PARG: variants seen among roughly 807,000 people sequenced by gnomAD.
PARG encodes poly(ADP-ribose) glycohydrolase, also known as mitochondrial poly(ADP-ribose) glycohydrolase.
PARG carries 35 observed loss-of-function variants against 113.0 expected under a neutral mutation model. The observed-to-expected ratio is 0.31, with a 90% CI of 0.24 to 0.41. PARG has a LOEUF of 0.41. Among genes scored for constraint, PARG ranks in the 10% least tolerant of loss-of-function variants. The pLI is 1.00. For synonymous variants in PARG, 330 were observed against 409.9 expected (o/e 0.81, Z 2.36); for missense variants, 797 against 1,169.4 (o/e 0.68, Z 4.64).
At chr10:49,927,708 G>A (rs1324307579) in intron 4 of PARG, among the ~76,000 whole-genome samples, 3 of 152,046 alleles carry the variant, frequency 2.0e-5, no homozygotes, top group South Asian at 2.1e-4. Flanking sequence ...AGTTGCTCAC[G>A]CCTGCAATCT....
At chr10:49,920,321 C>T (rs1273484338) in intron 6 of PARG, among the ~76,000 whole-genome samples, 2 of 150,628 alleles carry the variant, frequency 1.3e-5, no homozygotes, top group African/African-American at 4.9e-5. Context: ...TGGTGGCACA[C>T]ACCTGTAGTC....
At chr10:49,928,478 ATG>A (rs1313938221) in intron 4 of PARG, among the ~76,000 whole-genome samples, 2 of 152,112 alleles carry the variant, frequency 1.3e-5, no homozygotes, top group East Asian at 3.9e-4. Flanking sequence ...GCACGTATGC[ATG>A]TGTTTGTTGG....
At chr10:49,928,043 G>A (rs1453296967) in intron 4 of PARG, among the ~76,000 whole-genome samples, 6 of 152,024 alleles carry the variant, frequency 3.9e-5, no homozygotes, top group South Asian at 2.1e-4. Flanking sequence ...GGGCCCAGGC[G>A]GGTGATCACC....
chr10:49,866,293 T>C (rs1331399459), intron 10 of PARG, among the ~76,000 whole-genome samples: 1 of 151,778 alleles, frequency 6.6e-6, no homozygotes, highest in Non-Finnish European at 1.5e-5. Context: ...TCAGGAACTA[T>C]TAGTGATGAC....
At chr10:49,894,344 C>A (rs1455996616) in intron 7 of PARG, among the ~76,000 whole-genome samples, 1 of 151,984 alleles carries the variant, frequency 6.6e-6, no homozygotes, top group South Asian at 2.1e-4. Context: ...GCCTGGCATC[C>A]CTGTCTTTAG....
At chr10:49,878,670 C>G (rs1554838851) in intron 9 of PARG, among the ~76,000 whole-genome samples, 1 of 150,302 alleles carries the variant, frequency 6.7e-6, no homozygotes, top group Non-Finnish European at 1.5e-5. Flanking sequence ...ACTTTGGAGA[C>G]AAAAGCAGTA....
intron 7 of PARG, among the ~76,000 whole-genome samples, chr10:49,908,971 AG>A (rs1397790403): frequency 8.5e-5 from 13 of 152,300 alleles, no homozygotes; most frequent in Non-Finnish European, 1.8e-4. Flanking sequence ...TATAGGATAA[AG>A]GGGTGGGGAT....
intron 7 of PARG, among the ~76,000 whole-genome samples, chr10:49,887,195 A>T (rs1165021199): frequency 6.6e-6 from 1 of 152,126 alleles, no homozygotes; most frequent in Non-Finnish European, 1.5e-5. Flanking sequence ...AGGACTATAC[A>T]GGCCTTTTTG....
Position 49,935,125 on chromosome 10 carries a change from T to G in PARG, c.235A>C (p.Ile79Leu). The G allele has an allele frequency of 2.6e-6, 2 of 772,736 alleles. No homozygotes were observed. The highest frequency in any genetic ancestry group is 3.1e-5 in the South Asian group (2 of 65,390). The allele number at this position is 772,736 out of a possible 1,614,324, so 47.9% of individuals were successfully genotyped here. A position where few individuals can be genotyped will look rare whatever the true frequency, so the allele number is the denominator to read the frequency against. The change falls in exon 2 of 18, where the codon ATT (isoleucine) becomes CTT (leucine). Residue 79 changes from isoleucine (I) to leucine (L), a missense_variant. This residue lies in a region of PARG where 284 missense variants were observed against 306.1 expected (regional missense o/e 0.93). Coordinates refer to ENST00000616448, the MANE Select transcript of PARG (RefSeq NM_003631.5). ...ATSLVFKQKTITSWMDTKGIK... is the reference protein window; with the variant it reads ...ATSLVFKQKTLTSWMDTKGIK... ...CCTTTAGTGTCCATCCAACTGGTAA[T>G]AGTCTTTTGTTTGAAAACTATAAAA...
intron 7 of PARG, among the ~76,000 whole-genome samples, chr10:49,887,387 C>T (rs1272658809): frequency 3.9e-5 from 6 of 152,046 alleles, no homozygotes; most frequent in African/African-American, 7.3e-5. Flanking sequence ...TTTCTGTAAT[C>T]GCCACCAAAA....
intron 1 of PARG, among the ~76,000 whole-genome samples, chr10:49,940,210 TA>T (rs1480151641): frequency 1.3e-5 from 2 of 150,308 alleles, no homozygotes; most frequent in Non-Finnish European, 3.0e-5. Flanking sequence ...AGGCCTAAGC[TA>T]CAATTATTTC....
intron 1 of PARG, 61 bp downstream of exon 1, chr10:49,941,448 A>C (rs1589020738): frequency 2.3e-6 from 3 of 1,283,818 alleles, no homozygotes; most frequent in South Asian, 1.3e-5. Flanking sequence ...CTGGGTCCTC[A>C]GACTGAGACC....
intron 15 of PARG, among the ~76,000 whole-genome samples, chr10:49,840,265 G>T (rs1270734168): frequency 6.6e-6 from 1 of 151,944 alleles, no homozygotes; most frequent in Non-Finnish European, 1.5e-5. Flanking sequence ...GTGCACACCT[G>T]TACTCCTAGC....
intron 16 of PARG, among the ~76,000 whole-genome samples, chr10:49,825,006 C>A (rs782769205): frequency 1.2e-4 from 18 of 152,076 alleles, no homozygotes; most frequent in Non-Finnish European, 1.3e-4. Flanking sequence ...TAAATGCATG[C>A]TGTCAAGGAG....
chr10:49,932,389 T>C, intron 3 of PARG, 106 bp from the exon 4 acceptor site: 1 of 723,788 alleles, frequency 1.4e-6, no homozygotes. Context: ...AAGTATGCCA[T>C]ACTTGGTCAC....
At position 49,915,494 on chromosome 10, in the gene PARG, C is replaced by G. The variant is rs570910397; in HGVS notation, c.1737+423G>C. ...GATTTTTAAACAAATGTTTTGTGCC[C>G]TTTGACTTAGTCATCTAATTTCTGG... On this transcript the variant is annotated intron_variant, in intron 7 of 17. Coordinates refer to ENST00000616448, the MANE Select transcript of PARG (RefSeq NM_003631.5). Among the ~76,000 whole-genome samples the G allele has an allele frequency of 3.3e-5, 5 of 152,100 alleles. No individual in the cohort carries two copies. In the East Asian group the frequency reaches 7.7e-4, roughly 23 times the overall value.
At chr10:49,911,507 G>A (rs1588977753) in intron 7 of PARG, among the ~76,000 whole-genome samples, 1 of 152,198 alleles carries the variant, frequency 6.6e-6, no homozygotes, top group Non-Finnish European at 1.5e-5. Flanking sequence ...AGCACTTCCA[G>A]CAGCTAGCAG....
At chr10:49,936,605 T>C (rs1838751938) in intron 1 of PARG, among the ~76,000 whole-genome samples, 1 of 152,216 alleles carries the variant, frequency 6.6e-6, no homozygotes, top group South Asian at 2.1e-4. Flanking sequence ...AGGGATTAAA[T>C]GTACATCATA....
At chr10:49,876,725 G>C (rs2132608688) in intron 9 of PARG, among the ~76,000 whole-genome samples, 1 of 151,748 alleles carries the variant, frequency 6.6e-6, no homozygotes, top group Admixed American at 6.6e-5. Flanking sequence ...CTACATAACA[G>C]TAAGAACTCA....
Sources: allele counts gnomAD v4.1 joint callset (sites outside exome capture counted in the v4.1 genomes callset), GRCh38; gene constraint gnomAD v4.1.1; regional missense constraint gnomAD v4.1.1; transcripts MANE v1.5; gene names NCBI Gene and HGNC (gene_info 2026-07-23, HGNC 2026-07-21).